Variants in PIK3C2G observed in about 807,000 individuals in gnomAD.
PIK3C2G encodes phosphatidylinositol 3-kinase C2 domain-containing subunit gamma.
Under a neutral mutation model 181.1 loss-of-function variants are expected in PIK3C2G, and 168 were observed. That is an observed-to-expected ratio of 0.93 (90% CI 0.82 to 1.05). The LOEUF (loss-of-function observed/expected upper bound fraction) is 1.05, where lower values mean the gene tolerates loss of function less well. Among genes scored for constraint, PIK3C2G ranks in the 50% least tolerant of loss-of-function variants. The pLI is 0.00. For missense variants in PIK3C2G, 1,869 were observed against 1,732.8 expected, an observed-to-expected ratio of 1.08 and a Z score of -1.40; for synonymous variants, 573 against 592.2, an observed-to-expected ratio of 0.97 and a Z score of 0.47.
At chr12:18,444,274 T>C (rs73068564) in intron 18 of PIK3C2G, among the ~76,000 whole-genome samples, 4,002 of 152,234 alleles carry the variant, frequency 0.026, 67 homozygotes, top group Middle Eastern at 0.048. Flanking sequence ...TAGTATGAAG[T>C]CTCACCTGAA....
chr12:18,390,250 C>A (rs1049391288), intron 14 of PIK3C2G, among the ~76,000 whole-genome samples: 1 of 152,232 alleles, frequency 6.6e-6, no homozygotes, highest in African/African-American at 2.4e-5. Flanking sequence ...CTGAAACTCA[C>A]ACCATCTACT....
chr12:18,532,399 C>T (rs898407748), intron 24 of PIK3C2G, among the ~76,000 whole-genome samples: 2 of 152,022 alleles, frequency 1.3e-5, no homozygotes. Context: ...CTTTGCATAG[C>T]CCTAAATGTA....
chr12:18,322,113 G>C (rs1211572239), intron 7 of PIK3C2G, among the ~76,000 whole-genome samples: 1 of 152,146 alleles, frequency 6.6e-6, no homozygotes, highest in South Asian at 2.1e-4. Context: ...GGCCAAGTGC[G>C]GTGGCTCACG....
At position 18,338,427 on chromosome 12, in the gene PIK3C2G, A is replaced by G; in HGVS notation, c.1274A>G (p.Glu425Gly). 1 of 1,558,538 alleles carries G rather than the reference A, an allele frequency of 6.4e-7. No individual in the cohort carries two copies. Among genetic ancestry groups the G allele is most frequent in the South Asian group, 1.1e-5 (1 of 87,172 alleles). ...AGATGTGAATCTTGTTATCTACAGG[A>G]AAACGTGTATAATATTATTGAAGAA... The part of the protein sequence containing the change: ...FHLKYLLKTQ[E>G]NVYNIIEEVK... The change falls in exon 9 of 33, where the codon GAA (glutamate) becomes GGA (glycine). Residue 425 changes from glutamate (E) to glycine (G), a missense_variant and splice_region_variant. Glu to Gly is a moderately conservative substitution (Grantham distance 98, BLOSUM62 -2). Coordinates refer to ENST00000538779, the MANE Select transcript of PIK3C2G (RefSeq NM_001288772.2).
chr12:18,399,803 GA>G lies in PIK3C2G; in HGVS notation c.2272del (p.Thr758HisfsTer6), dbSNP rs765017308. 6.2e-7 allele frequency: 1 copy of G among 1,603,568 alleles called. No individual in the cohort carries two copies. The highest frequency in any genetic ancestry group is 8.5e-7 in the Non-Finnish European group (1 of 1,172,384). ...AAATGCATACCATTTTGAGAAGATG[GA>G]CATTTTCTCAACCTTTAGAGGCTCT... ...SEMHTILRRW[T>X]FSQPLEALGL... On this transcript the variant is annotated frameshift_variant, in exon 16 of 33. Coordinates refer to ENST00000538779, the MANE Select transcript of PIK3C2G (RefSeq NM_001288772.2). LOFTEE classifies it high-confidence loss of function.
intron 25 of PIK3C2G, among the ~76,000 whole-genome samples, chr12:18,545,040 C>G (rs1479145262): frequency 6.6e-6 from 1 of 151,846 alleles, no homozygotes. Context: ...AAATCTCTTA[C>G]TCTCATGTTA....
intron 26 of PIK3C2G, among the ~76,000 whole-genome samples, chr12:18,556,399 C>G (rs1047861293): frequency 6.6e-6 from 1 of 152,080 alleles, no homozygotes; most frequent in Non-Finnish European, 1.5e-5. Flanking sequence ...AGTCTGCCCC[C>G]AAACCATGGG....
intron 18 of PIK3C2G, among the ~76,000 whole-genome samples, chr12:18,441,388 G>T (rs986132313): frequency 6.6e-6 from 1 of 152,172 alleles, no homozygotes; most frequent in Non-Finnish European, 1.5e-5. Flanking sequence ...TCTATGAAAA[G>T]AGTGTTGCTT....
At chr12:18,340,068 T>C (rs1332341964) in intron 9 of PIK3C2G, among the ~76,000 whole-genome samples, 1 of 152,192 alleles carries the variant, frequency 6.6e-6, no homozygotes, top group Admixed American at 6.5e-5. Context: ...ACTGTTTTTA[T>C]ATGTAGCTAT....
chr12:18,486,982 C>A (rs1940100510), intron 18 of PIK3C2G, among the ~76,000 whole-genome samples: 1 of 152,098 alleles, frequency 6.6e-6, no homozygotes, highest in Admixed American at 6.6e-5. Context: ...TTCAAAATCT[C>A]ATCATAGGGA....
At chr12:18,561,637 T>G (rs973232422) in intron 26 of PIK3C2G, among the ~76,000 whole-genome samples, 1 of 152,054 alleles carries the variant, frequency 6.6e-6, no homozygotes, top group African/African-American at 2.4e-5. Flanking sequence ...AGCTATTAGC[T>G]GATTTCAATA....
At chr12:18,726,290 A>C in the PIK3C2G span, among the ~76,000 whole-genome samples, 1 of 152,212 alleles carries the variant, frequency 6.6e-6, no homozygotes, top group African/African-American at 2.4e-5. Flanking sequence ...TTAAACATAC[A>C]ACATAAAATA....
chr12:18,496,065 T>C lies in PIK3C2G; in HGVS notation c.2797T>C (p.Cys933Arg), dbSNP rs1940982855. 3 of 1,496,270 alleles carry C rather than the reference T, an allele frequency of 2.0e-6. No homozygotes were observed. The highest frequency in any genetic ancestry group is 4.4e-5 in the Admixed American group (2 of 45,706). 92.7% of individuals were successfully genotyped at this position (1,496,270 alleles called of 1,614,324 possible). The change falls in exon 21 of 33, where the codon TGT becomes CGT. Residue 933 changes from cysteine (C) to arginine (R), a missense_variant. By Grantham distance (180) the Cys-to-Arg change is radical. Transcript: ENST00000538779. The stretch of plus-strand genomic sequence containing the variant: ...TTCCCTTTTTCTTTTCCTATAGGCA[T>C]GTTCATATTTTACATCTAATGCTTT... ...LCIKGIDHDA[C>R]SYFTSNALPL...
intron 6 of PIK3C2G, among the ~76,000 whole-genome samples, chr12:18,319,389 G>T (rs929781477): frequency 6.6e-6 from 1 of 151,396 alleles, no homozygotes; most frequent in Admixed American, 6.6e-5. Context: ...TCAGCTTTAA[G>T]GAAAAGTTAA....
chr12:18,721,774 A>C, the PIK3C2G span, among the ~76,000 whole-genome samples: 2 of 151,578 alleles, frequency 1.3e-5, no homozygotes, highest in Non-Finnish European at 2.9e-5. Flanking sequence ...ATAGTCGCTT[A>C]GTATTCTTGT....
intron 29 of PIK3C2G, among the ~76,000 whole-genome samples, chr12:18,589,122 A>G (rs918995433): frequency 1.3e-5 from 2 of 152,018 alleles, no homozygotes; most frequent in East Asian, 3.9e-4. Flanking sequence ...AGAGAGGATC[A>G]GAAAAAATAA....
intron 16 of PIK3C2G, among the ~76,000 whole-genome samples, chr12:18,401,524 A>C (rs1430889744): frequency 1.3e-5 from 2 of 152,162 alleles, no homozygotes; most frequent in Non-Finnish European, 2.9e-5. Context: ...TAGCACAATT[A>C]TTATTTTGTC....
rs1380547099 is a variant in PIK3C2G, at chr12:18,269,577, G to A, written c.-79+8000G>A. Among the ~76,000 whole-genome samples the A allele has an allele frequency of 2.0e-5, 3 of 152,228 alleles. No individual in the cohort carries two copies. The East Asian group carries it at 5.8e-4, about 29-fold the overall frequency. On this transcript the variant is annotated intron_variant, in intron 1 of 32. Transcript: ENST00000538779. ...CCACTTTGGTTTCAGAACAATATTA[G>A]AGTTTTGCAAAGAAGAAACTGTTAT...
chr12:18,509,082 C>T (rs952037783), intron 24 of PIK3C2G, among the ~76,000 whole-genome samples: 4 of 151,856 alleles, frequency 2.6e-5, no homozygotes, highest in Non-Finnish European at 2.9e-5. Context: ...GATGGAGTCT[C>T]GCTCTGTCAC....
Sources: allele counts gnomAD v4.1 joint callset (sites outside exome capture counted in the v4.1 genomes callset), GRCh38; gene constraint gnomAD v4.1.1; transcripts MANE v1.5; gene names NCBI Gene and HGNC (gene_info 2026-07-23, HGNC 2026-07-21).